PCDH7: variants seen among roughly 807,000 people sequenced by gnomAD.
The protein encoded by PCDH7 is protocadherin 7.
In PCDH7, 17 loss-of-function variants were observed where a neutral mutation model predicts 58.9. The observed-to-expected ratio is 0.29, with a 90% confidence interval of 0.20 to 0.43. The LOEUF (loss-of-function observed/expected upper bound fraction) is 0.43. Among genes scored for constraint, PCDH7 ranks in the 20% least tolerant of loss-of-function variants. The pLI is 1.00. For missense variants in PCDH7, 1,274 were observed against 1,441.0 expected, an observed-to-expected ratio of 0.88 and a Z score of 1.88; for synonymous variants, 664 against 616.4, an observed-to-expected ratio of 1.08 and a Z score of -1.14.
chr4:31,106,690 A>G (rs1056134670), intron 3 of PCDH7, among the ~76,000 whole-genome samples: 1 of 152,232 alleles, frequency 6.6e-6, no homozygotes, highest in Non-Finnish European at 1.5e-5. Flanking sequence ...CACATCAGTT[A>G]TCATGAAATT....
At chr4:31,004,136 A>G (rs1578536933) in intron 3 of PCDH7, among the ~76,000 whole-genome samples, 1 of 152,152 alleles carries the variant, frequency 6.6e-6, no homozygotes. Flanking sequence ...GTGGCTAGGG[A>G]AAGTCCCATT....
At chr4:30,858,568 C>T (rs1578070726) in intron 1 of PCDH7, among the ~76,000 whole-genome samples, 2 of 152,248 alleles carry the variant, frequency 1.3e-5, no homozygotes, top group Admixed American at 1.3e-4. Flanking sequence ...TATAGCTAGG[C>T]ACATTAATAG....
In PCDH7 at chr4:30,761,588, T is replaced by C. The variant is rs568752885; in HGVS notation, c.70+36992T>C. On this transcript the variant is annotated intron_variant, in intron 1 of 3. Transcript: ENST00000509759. The stretch of plus-strand genomic sequence containing the variant: ...TATAATTACAGCACCTCATATCAAT[T>C]CTTACTAGCCTTGTTGTAAGTACTC... Among the ~76,000 whole-genome samples the C allele has an allele frequency of 5.6e-4, 86 of 152,312 alleles. 3 individuals are homozygous for C. The South Asian group carries it at 0.015, about 27-fold the overall frequency.
chr4:30,842,464 C>T (rs1031456819), intron 1 of PCDH7, among the ~76,000 whole-genome samples: 2 of 152,110 alleles, frequency 1.3e-5, no homozygotes, highest in Admixed American at 1.3e-4. Flanking sequence ...CTGTCTTCTA[C>T]ACCACATTTT....
At chr4:31,090,235 T>C (rs1713054767) in intron 3 of PCDH7, among the ~76,000 whole-genome samples, 1 of 152,008 alleles carries the variant, frequency 6.6e-6, no homozygotes. Context: ...TCTGAAAGAC[T>C]TTATGAAAAA....
intron 3 of PCDH7, among the ~76,000 whole-genome samples, chr4:31,089,889 C>T (rs1429439042): frequency 2.0e-5 from 3 of 152,098 alleles, no homozygotes; most frequent in Admixed American, 6.6e-5. Flanking sequence ...CAAACATTTC[C>T]GTCGAGTACA....
intron 1 of PCDH7, among the ~76,000 whole-genome samples, chr4:30,816,241 A>C (rs966120704): frequency 3.3e-5 from 5 of 152,182 alleles, no homozygotes; most frequent in African/African-American, 1.2e-4. Flanking sequence ...AAAGAAATTC[A>C]AATGATGTCA....
chr4:30,980,491 G>A (rs1462671266), intron 3 of PCDH7, among the ~76,000 whole-genome samples: 2 of 152,088 alleles, frequency 1.3e-5, no homozygotes, highest in Admixed American at 1.3e-4. Flanking sequence ...ATGGATACTG[G>A]CAGACATAAA....
chr4:31,051,838 GGC>G (rs200052600), intron 3 of PCDH7, among the ~76,000 whole-genome samples: 6 of 130,982 alleles, frequency 4.6e-5, no homozygotes, highest in East Asian at 2.9e-4. Context: ...GTGTGTGGGG[GGC>G]GGGTAGGGGA....
At chr4:30,894,000 A>C (rs1738953622) in intron 1 of PCDH7, among the ~76,000 whole-genome samples, 1 of 152,184 alleles carries the variant, frequency 6.6e-6, no homozygotes, top group Non-Finnish European at 1.5e-5. Context: ...CCTGCAGGGT[A>C]CCAGACAGAT....
chr4:31,064,438 A>G (rs190798293), intron 3 of PCDH7, among the ~76,000 whole-genome samples: 40 of 152,076 alleles, frequency 2.6e-4, no homozygotes, highest in African/African-American at 9.4e-4. Flanking sequence ...GGCTTTTGTA[A>G]TCAAGTACCA....
At chr4:31,109,654 A>C (rs1033646420) in intron 3 of PCDH7, among the ~76,000 whole-genome samples, 1 of 152,330 alleles carries the variant, frequency 6.6e-6, no homozygotes, top group South Asian at 2.1e-4. Context: ...CACAAGTATA[A>C]CCATTTCATG....
chr4:31,050,722 C>CG (rs1756666313), intron 3 of PCDH7, among the ~76,000 whole-genome samples: 1 of 152,092 alleles, frequency 6.6e-6, no homozygotes, highest in Non-Finnish European at 1.5e-5. Context: ...ATTAAGTTAC[C>CG]TCTACTTCTA....
intron 1 of PCDH7, among the ~76,000 whole-genome samples, chr4:30,766,567 C>T (rs1720778117): frequency 6.6e-6 from 1 of 151,902 alleles, no homozygotes; most frequent in East Asian, 1.9e-4. Context: ...TAAATCCATT[C>T]AACTGAGATA....
At chr4:30,898,395 T>C (rs984831611) in intron 1 of PCDH7, among the ~76,000 whole-genome samples, 3 of 152,122 alleles carry the variant, frequency 2.0e-5, no homozygotes, top group Non-Finnish European at 4.4e-5. Flanking sequence ...TTCTGGTAGA[T>C]AGTCGAGGAG....
At chr4:30,839,796 T>C (rs1730974647) in intron 1 of PCDH7, among the ~76,000 whole-genome samples, 1 of 152,180 alleles carries the variant, frequency 6.6e-6, no homozygotes. Context: ...TGAAATGTTA[T>C]TTGTAAAGCT....
chr4:30,903,650 C>A (rs1205685180), intron 1 of PCDH7, among the ~76,000 whole-genome samples: 1 of 152,034 alleles, frequency 6.6e-6, no homozygotes, highest in African/African-American at 2.4e-5. Flanking sequence ...AATCATGACT[C>A]AGAAATTGAG....
intron 1 of PCDH7, among the ~76,000 whole-genome samples, chr4:30,868,446 A>G (rs1735149153): frequency 6.6e-6 from 1 of 152,130 alleles, no homozygotes; most frequent in South Asian, 2.1e-4. Flanking sequence ...ACTTACGAGC[A>G]GGCGTTGTGT....
Position 30,776,858 on chromosome 4 carries a change from G to GGTGTGTGTGT in PCDH7, c.70+52281_70+52290dup, listed in dbSNP as rs57657077. ...AAATATGATTATAATTTTGATATGT[G>GGTGTGTGTGT]GTGTGTGTGTGTGTGTGTGTGTGTG... On this transcript the variant is annotated intron_variant, in intron 1 of 3. Transcript: ENST00000509759. 3.1e-4 allele frequency among the ~76,000 whole-genome samples: 46 copies of GGTGTGTGTGT among 147,718 alleles called. No individual in the cohort carries two copies. The East Asian group carries it at 3.2e-3, about 10-fold the overall frequency.
Sources: gnomAD v4.1 joint callset for allele counts (sites outside exome capture counted in the v4.1 genomes callset) on GRCh38, gnomAD v4.1.1 for gene constraint, MANE v1.5 for transcripts, NCBI Gene and HGNC (gene_info 2026-07-23, HGNC 2026-07-21) for gene names.